The following ANO5 variants were observed in gnomAD, a reference collection of about 807,000 sequenced individuals.
ANO5 encodes the protein anoctamin-5.
Under a neutral mutation model 121.0 loss-of-function variants are expected in ANO5, and 109 were observed. The observed-to-expected ratio is 0.90, with a 90% CI of 0.77 to 1.06. ANO5 has a LOEUF of 1.06. Among genes scored for constraint, ANO5 ranks in the 50% least tolerant of loss-of-function variants. The pLI is 0.00. For missense variants in ANO5, 1,064 were observed against 1,078.5 expected (o/e 0.99, Z 0.19); for synonymous variants, 406 against 359.9 (o/e 1.13, Z -1.45).
intron 14 of ANO5, among the ~76,000 whole-genome samples, chr11:22,258,268 A>G (rs1222535564): frequency 6.6e-6 from 1 of 152,224 alleles, no homozygotes; most frequent in East Asian, 1.9e-4. Flanking sequence ...TCACCAGTCC[A>G]TAAACCCCAT....
chr11:22,268,026 T>C (rs955146565), intron 17 of ANO5, among the ~76,000 whole-genome samples: 21 of 152,304 alleles, frequency 1.4e-4, no homozygotes, highest in African/African-American at 4.1e-4. Flanking sequence ...GACATTTAGG[T>C]TGATTCCATG....
intron 5 of ANO5, 87 bp from the exon 6 acceptor site, chr11:22,225,897 C>G: frequency 9.8e-7 from 1 of 1,021,342 alleles, no homozygotes. Context: ...CATCCAGAGT[C>G]ACAGCCATTG....
chr11:22,219,047 G>A (rs1360643256), intron 4 of ANO5, among the ~76,000 whole-genome samples: 2 of 152,030 alleles, frequency 1.3e-5, no homozygotes, highest in Non-Finnish European at 1.5e-5. Context: ...ATGTATGTTA[G>A]TAACATTCAG....
At chr11:22,218,157 C>G (rs940997567) in intron 3 of ANO5, 89 bp from the exon 4 acceptor site, 11 of 950,806 alleles carry the variant, frequency 1.2e-5, no homozygotes, top group African/African-American at 2.0e-5. Context: ...AATGATCATA[C>G]CAAGGGTTAG....
At chr11:22,270,067 C>T (rs184563257) in intron 17 of ANO5, among the ~76,000 whole-genome samples, 1 of 152,294 alleles carries the variant, frequency 6.6e-6, no homozygotes, top group Admixed American at 6.5e-5. Context: ...ATATATTTCT[C>T]TGAGCAGAGT....
At chr11:22,274,192 A>ACC (rs1554934570) in intron 19 of ANO5, among the ~76,000 whole-genome samples, 11 of 146,356 alleles carry the variant, frequency 7.5e-5, no homozygotes, top group Admixed American at 4.0e-4. Flanking sequence ...ACACACACAC[A>ACC]CCCGCAGTCC....
intron 18 of ANO5, among the ~76,000 whole-genome samples, 196 bp from the exon 19 acceptor site, chr11:22,272,588 C>T (rs1854661832): frequency 6.6e-6 from 1 of 152,178 alleles, no homozygotes; most frequent in African/African-American, 2.4e-5. Context: ...TGCCCAGTTT[C>T]TCCTTCCAGT....
rs778212736 is a variant in ANO5, at chr11:22,239,569, G to A, written c.763G>A (p.Gly255Ser). 7 of 1,602,584 alleles carry A rather than the reference G, an allele frequency of 4.4e-6. No homozygotes were observed. The highest frequency in any genetic ancestry group is 4.3e-6 in the Non-Finnish European group (5 of 1,170,162). ...GTACCCTCCTCTTGAATATCTGCAG[G>A]GCCAATATTGGAAGCCATCAGAACC... ...TYSSAYPLHDGQYWKPSEPPN... is the reference protein window; with the variant it reads ...TYSSAYPLHDSQYWKPSEPPN... The change falls in exon 9 of 22, where the codon GGC becomes AGC. Residue 255 changes from glycine (G) to serine (S), a missense_variant and splice_region_variant. Coordinates refer to ENST00000324559, the MANE Select transcript of ANO5 (RefSeq NM_213599.3).
chr11:22,278,673 G>A (rs1018316175), intron 21 of ANO5, among the ~76,000 whole-genome samples: 1 of 151,398 alleles, frequency 6.6e-6, no homozygotes, highest in African/African-American at 2.4e-5. Context: ...TTCACTGTAG[G>A]TTGATAACGT....
At chr11:22,268,397 C>G (rs1326283494) in intron 17 of ANO5, among the ~76,000 whole-genome samples, 2 of 151,572 alleles carry the variant, frequency 1.3e-5, no homozygotes, top group African/African-American at 4.9e-5. Flanking sequence ...ACATCAGTGT[C>G]TAGGTACTTT....
intron 12 of ANO5, 115 bp downstream of exon 12, chr11:22,251,126 T>A: frequency 9.2e-7 from 1 of 1,087,646 alleles, no homozygotes; most frequent in Non-Finnish European, 1.4e-6. Context: ...TTTAGATCAT[T>A]GTGTCTTTGT....
intron 7 of ANO5, among the ~76,000 whole-genome samples, chr11:22,234,316 A>G (rs1246527638): frequency 1.3e-5 from 2 of 151,970 alleles, no homozygotes; most frequent in African/African-American, 4.8e-5. Context: ...ACATTATCTC[A>G]TCCCTTCTTA....
At chr11:22,216,581 T>G (rs897700456) in intron 3 of ANO5, among the ~76,000 whole-genome samples, 2 of 152,022 alleles carry the variant, frequency 1.3e-5, no homozygotes, top group Admixed American at 1.3e-4. Context: ...GTTTATGTAT[T>G]CTGGATGCGA....
Position 22,272,740 on chromosome 11 carries a change from C to T in ANO5, c.2030-44C>T, listed in dbSNP as rs74964980. ...ATTTGGGCAGGGTGTTCCTGTCTTTCTCCTTCACAATAATGAGTTCATGCC... is the reference window on the plus strand; with the variant it reads ...ATTTGGGCAGGGTGTTCCTGTCTTTTTCCTTCACAATAATGAGTTCATGCC... On this transcript the variant is annotated intron_variant, in intron 18 of 21. Transcript: ENST00000324559. The T allele has an allele frequency of 1.1e-5, 17 of 1,568,748 alleles. No homozygotes were observed. In the African/African-American group the frequency reaches 2.3e-4, roughly 21 times the overall value.
chr11:22,213,441 A>AT (rs199678420), intron 3 of ANO5, among the ~76,000 whole-genome samples: 11,224 of 146,296 alleles, frequency 0.077, 981 homozygotes, highest in African/African-American at 0.22. Context: ...GACTTTCCTG[A>AT]TTTTTTTTTT....
At chr11:22,253,506 T>C (rs1298527116) in intron 12 of ANO5, among the ~76,000 whole-genome samples, 2 of 152,138 alleles carry the variant, frequency 1.3e-5, no homozygotes, top group Non-Finnish European at 2.9e-5. Flanking sequence ...GCTTCTAAAA[T>C]TAATGGTAGT....
chr11:22,256,470 C>T (rs1854003272), intron 13 of ANO5, among the ~76,000 whole-genome samples: 1 of 152,094 alleles, frequency 6.6e-6, no homozygotes, highest in Non-Finnish European at 1.5e-5. Context: ...TCAGAAAATA[C>T]ATTAACAATG....
intron 13 of ANO5, 53 bp downstream of exon 13, chr11:22,255,575 T>C: frequency 1.3e-6 from 2 of 1,591,214 alleles, no homozygotes; most frequent in African/African-American, 1.3e-5. Flanking sequence ...CACACTGCTA[T>C]AGGTTTCTTC....
At chr11:22,276,633 T>G (rs1014641130) in intron 21 of ANO5, among the ~76,000 whole-genome samples, 1 of 151,768 alleles carries the variant, frequency 6.6e-6, no homozygotes, top group African/African-American at 2.4e-5. Context: ...ACATTAGCGC[T>G]GAGTCTCAAT....
Sources: gnomAD v4.1 joint callset for allele counts (sites outside exome capture counted in the v4.1 genomes callset) on GRCh38, gnomAD v4.1.1 for gene constraint, MANE v1.5 for transcripts, NCBI Gene and HGNC (gene_info 2026-07-23, HGNC 2026-07-21) for gene names.